THSD7B: variants seen among roughly 807,000 people sequenced by gnomAD.
THSD7B encodes thrombospondin type-1 domain-containing protein 7B.
Under a neutral mutation model 213.6 loss-of-function variants are expected in THSD7B, and 138 were observed. That is an observed-to-expected ratio of 0.65 (90% CI 0.56 to 0.74). The LOEUF (loss-of-function observed/expected upper bound fraction) is 0.74. Among genes scored for constraint, THSD7B ranks in the 30% least tolerant of loss-of-function variants. The probability of loss-of-function intolerance (pLI) is 0.00; values close to 1 mark genes in which losing one functional copy is unlikely to be tolerated. For synonymous variants in THSD7B, 742 were observed against 687.0 expected (o/e 1.08, Z -1.25); for missense variants, 1,931 against 1,991.5 (o/e 0.97, Z 0.58).
intron 6 of THSD7B, among the ~76,000 whole-genome samples, chr2:137,163,763 G>C (rs1247724464): frequency 6.6e-6 from 1 of 152,174 alleles, no homozygotes; most frequent in East Asian, 1.9e-4. Flanking sequence ...GCCCAACTTT[G>C]AATCAGCATT....
At chr2:137,526,308 T>G (rs1680276050) in intron 15 of THSD7B, among the ~76,000 whole-genome samples, 1 of 152,138 alleles carries the variant, frequency 6.6e-6, no homozygotes, top group African/African-American at 2.4e-5. Flanking sequence ...ATTTGTAAGA[T>G]ATGGTGCTAG....
chr2:137,659,508 A>G (rs2028865), intron 24 of THSD7B, among the ~76,000 whole-genome samples, 156 bp from the exon 25 acceptor site: 13,273 of 152,284 alleles, frequency 0.087, 659 homozygotes, highest in Middle Eastern at 0.16. Flanking sequence ...AGAGTAATCA[A>G]TAAAATAGGC....
intron 15 of THSD7B, among the ~76,000 whole-genome samples, chr2:137,482,842 G>A (rs1489005703): frequency 6.6e-6 from 1 of 152,182 alleles, no homozygotes; most frequent in Admixed American, 6.5e-5. Flanking sequence ...ACGGGTGAGA[G>A]GAAAGGCAGG....
In THSD7B at chr2:136,982,712, A is replaced by T. The variant is rs1573748482; in HGVS notation, c.140-73708A>T. On this transcript the variant is annotated intron_variant, in intron 2 of 27. Coordinates refer to ENST00000409968, the MANE Select transcript of THSD7B (RefSeq NM_001316349.2). Reference sequence around the variant, plus strand: ...TCTGTTGTTTCCCCTAAGTTGAAAAACAACTCTAAGATACTTTTAAGTACC... The same window carrying T: ...TCTGTTGTTTCCCCTAAGTTGAAAATCAACTCTAAGATACTTTTAAGTACC... 2.0e-5 allele frequency among the ~76,000 whole-genome samples: 3 copies of T among 152,262 alleles called. No individual in the cohort carries two copies. In the East Asian group the frequency reaches 5.8e-4, roughly 29 times the overall value.
At chr2:137,230,080 G>A (rs1681603099) in intron 7 of THSD7B, among the ~76,000 whole-genome samples, 1 of 152,166 alleles carries the variant, frequency 6.6e-6, no homozygotes, top group Non-Finnish European at 1.5e-5. Context: ...TGAGGAGACT[G>A]TGAATGAGGG....
chr2:136,773,706 TC>T (rs1334363798), intron 1 of THSD7B, among the ~76,000 whole-genome samples: 1 of 152,078 alleles, frequency 6.6e-6, no homozygotes, highest in Non-Finnish European at 1.5e-5. Context: ...ATGCCTAGAA[TC>T]TGTACTATTA....
intron 20 of THSD7B, among the ~76,000 whole-genome samples, chr2:137,638,481 C>T (rs1022260410): frequency 1.6e-4 from 24 of 152,164 alleles, no homozygotes; most frequent in Middle Eastern, 3.2e-3. Context: ...TCGTTTTCTT[C>T]CCAGTCTTGG....
chr2:137,173,648 C>T (rs935578841), intron 7 of THSD7B, among the ~76,000 whole-genome samples: 1 of 152,164 alleles, frequency 6.6e-6, no homozygotes, highest in African/African-American at 2.4e-5. Flanking sequence ...ACTCCCTCAT[C>T]GTTTGTGGGG....
intron 21 of THSD7B, among the ~76,000 whole-genome samples, chr2:137,652,959 C>T (rs189899192): frequency 1.3e-5 from 2 of 152,230 alleles, no homozygotes; most frequent in African/African-American, 4.8e-5. Context: ...TTTGGGGCTT[C>T]AAATTCAGTT....
intron 2 of THSD7B, among the ~76,000 whole-genome samples, chr2:136,956,846 A>AT (rs1268221009): frequency 6.6e-6 from 1 of 151,564 alleles, no homozygotes; most frequent in African/African-American, 2.4e-5. Flanking sequence ...TGTCTAGCTA[A>AT]TTTTTATATT....
At chr2:136,866,498 C>T (rs1683335246) in intron 1 of THSD7B, among the ~76,000 whole-genome samples, 1 of 152,076 alleles carries the variant, frequency 6.6e-6, no homozygotes, top group Non-Finnish European at 1.5e-5. Flanking sequence ...CTGAAATTCA[C>T]TCTTAACTCT....
chr2:136,860,365 C>G (rs1683241140), intron 1 of THSD7B, among the ~76,000 whole-genome samples: 1 of 152,048 alleles, frequency 6.6e-6, no homozygotes, highest in African/African-American at 2.4e-5. Flanking sequence ...TGTCACCAGC[C>G]CAAGGCTGTC....
At chr2:136,921,825 A>G (rs945097769) in intron 2 of THSD7B, among the ~76,000 whole-genome samples, 2 of 152,116 alleles carry the variant, frequency 1.3e-5, no homozygotes, top group Non-Finnish European at 2.9e-5. Context: ...CTCTCCCTAG[A>G]TTGTGGAAGC....
At chr2:137,354,255 G>A (rs762506928) in intron 12 of THSD7B, among the ~76,000 whole-genome samples, 12 of 149,764 alleles carry the variant, frequency 8.0e-5, no homozygotes, top group Non-Finnish European at 1.6e-4. Context: ...CTTCGATGTT[G>A]AATGCACAGA....
chr2:137,635,313 T>A (rs112586952), intron 20 of THSD7B, among the ~76,000 whole-genome samples: 6 of 152,296 alleles, frequency 3.9e-5, no homozygotes, highest in Admixed American at 1.3e-4. Flanking sequence ...TAGTTCCCAA[T>A]TGATACCTAT....
At chr2:137,390,710 T>C (rs1006908634) in intron 12 of THSD7B, among the ~76,000 whole-genome samples, 26 of 152,304 alleles carry the variant, frequency 1.7e-4, no homozygotes, top group African/African-American at 6.0e-4. Flanking sequence ...ATGTTCCATC[T>C]GTGCCTAATG....
At chr2:137,390,285 A>AT (rs548280439) in intron 12 of THSD7B, among the ~76,000 whole-genome samples, 127 of 151,596 alleles carry the variant, frequency 8.4e-4, no homozygotes, top group African/African-American at 2.8e-3. Flanking sequence ...TTATTTTTAG[A>AT]TTTTTTTTGT....
At chr2:136,952,872 G>T (rs1573730675) in intron 2 of THSD7B, among the ~76,000 whole-genome samples, 2 of 152,208 alleles carry the variant, frequency 1.3e-5, no homozygotes, top group East Asian at 1.9e-4. Flanking sequence ...CTCCCTTGTG[G>T]ATATCTGATA....
chr2:136,964,016 GT>G (rs11337449), intron 2 of THSD7B, among the ~76,000 whole-genome samples: 59,231 of 151,848 alleles, frequency 0.39, 13,083 homozygotes, highest in East Asian at 0.66. Context: ...CTGTCCTCTA[GT>G]TTGCACCCTT....
Sources: gnomAD v4.1 joint callset for allele counts (sites outside exome capture counted in the v4.1 genomes callset) on GRCh38, gnomAD v4.1.1 for gene constraint, MANE v1.5 for transcripts, NCBI Gene and HGNC (gene_info 2026-07-23, HGNC 2026-07-21) for gene names.